The following PFDN1 variants were observed in gnomAD, a reference collection of about 807,000 sequenced individuals.
The protein encoded by PFDN1 is prefoldin subunit 1.
In PFDN1, 6 loss-of-function variants were observed where a neutral mutation model predicts 17.3. That is an observed-to-expected ratio of 0.35 (90% CI 0.19 to 0.69). PFDN1 has a LOEUF of 0.69. Ranked by LOEUF, PFDN1 falls within the 30% of genes least tolerant of loss-of-function variation. The probability of loss-of-function intolerance (pLI) is 0.65; values close to 1 mark genes in which losing one functional copy is unlikely to be tolerated. For synonymous variants in PFDN1, 58 were observed against 50.1 expected (o/e 1.16, Z -0.67); for missense variants, 113 against 146.2 (o/e 0.77, Z 1.17).
At chr5:140,301,335 A>G (rs1025749575) in intron 1 of PFDN1, among the ~76,000 whole-genome samples, 1 of 152,242 alleles carries the variant, frequency 6.6e-6, no homozygotes, top group Non-Finnish European at 1.5e-5. Context: ...CTTCATCCAC[A>G]GATACCAGGC....
intron 2 of PFDN1, among the ~76,000 whole-genome samples, chr5:140,298,039 A>G (rs1765679599): frequency 6.6e-6 from 1 of 152,214 alleles, no homozygotes; most frequent in Middle Eastern, 3.2e-3. Flanking sequence ...TTCATACTAC[A>G]CAGACACATA....
At chr5:140,293,518 A>G (rs1232435575) in intron 2 of PFDN1, among the ~76,000 whole-genome samples, 3 of 152,102 alleles carry the variant, frequency 2.0e-5, no homozygotes, top group African/African-American at 7.2e-5. Context: ...TAGACATCTA[A>G]TTAGCATAAC....
chr5:140,256,766 T>G (rs1356139725), intron 3 of PFDN1, among the ~76,000 whole-genome samples: 1 of 146,912 alleles, frequency 6.8e-6, no homozygotes, highest in Non-Finnish European at 1.5e-5. Flanking sequence ...ATCCAATCCA[T>G]CGGCAAATCT....
At chr5:140,271,535 G>A (rs1765205604) in intron 3 of PFDN1, among the ~76,000 whole-genome samples, 1 of 152,164 alleles carries the variant, frequency 6.6e-6, no homozygotes, top group Non-Finnish European at 1.5e-5. Flanking sequence ...AGCTACTATG[G>A]AAAGTAGGAA....
chr5:140,261,323 G>A (rs185605515), intron 3 of PFDN1, among the ~76,000 whole-genome samples: 1 of 152,228 alleles, frequency 6.6e-6, no homozygotes, highest in East Asian at 1.9e-4. Flanking sequence ...AAAATAAACT[G>A]CCATATTAAT....
At chr5:140,278,208 A>T (rs1765328362) in intron 3 of PFDN1, among the ~76,000 whole-genome samples, 1 of 152,078 alleles carries the variant, frequency 6.6e-6, no homozygotes, top group Non-Finnish European at 1.5e-5. Flanking sequence ...ATGCCATCTC[A>T]AAACAATAAA....
At chr5:140,286,011 T>C (rs777696524) in intron 2 of PFDN1, among the ~76,000 whole-genome samples, 85 of 151,818 alleles carry the variant, frequency 5.6e-4, no homozygotes, top group Non-Finnish European at 9.7e-4. Context: ...GAATGACTAA[T>C]TAAATAAAAA....
At chr5:140,261,669 T>C (rs1288318662) in intron 3 of PFDN1, among the ~76,000 whole-genome samples, 1 of 152,186 alleles carries the variant, frequency 6.6e-6, no homozygotes, top group East Asian at 1.9e-4. Flanking sequence ...AAGGGCTATT[T>C]ATAAAGCTTT....
intron 3 of PFDN1, among the ~76,000 whole-genome samples, chr5:140,248,594 C>T (rs1269300273): frequency 6.6e-6 from 1 of 152,228 alleles, no homozygotes; most frequent in East Asian, 1.9e-4. Context: ...GGCCCAGGGA[C>T]TCTGGTCTGT....
intron 3 of PFDN1, among the ~76,000 whole-genome samples, chr5:140,266,531 T>C (rs1230492093): frequency 6.6e-6 from 1 of 152,238 alleles, no homozygotes; most frequent in Non-Finnish European, 1.5e-5. Context: ...AATCCTTTTT[T>C]ACCTGTGGTA....
chr5:140,277,742 A>G (rs1765317894), intron 3 of PFDN1, among the ~76,000 whole-genome samples: 1 of 152,058 alleles, frequency 6.6e-6, no homozygotes, highest in Non-Finnish European at 1.5e-5. Flanking sequence ...TAAAAAAAAA[A>G]AGAAAAGGAA....
intron 3 of PFDN1, chr5:140,281,207 G>C (rs1765391877): frequency 2.8e-6 from 1 of 355,982 alleles, no homozygotes; most frequent in Non-Finnish European, 5.1e-6. Flanking sequence ...ATACATTCAG[G>C]TTAAAACCAT....
chr5:140,255,220 C>G (rs564191775), intron 3 of PFDN1, among the ~76,000 whole-genome samples: 17 of 151,946 alleles, frequency 1.1e-4, no homozygotes, highest in African/African-American at 3.4e-4. Context: ...TTCCCTCTAC[C>G]AAATCTACTA....
intron 3 of PFDN1, among the ~76,000 whole-genome samples, chr5:140,249,689 C>T (rs534284996): frequency 6.6e-6 from 1 of 152,162 alleles, no homozygotes; most frequent in Non-Finnish European, 1.5e-5. Context: ...TTTCTGGCTG[C>T]TTGCATTCGT....
At chr5:140,266,603 G>T (rs1180824311) in intron 3 of PFDN1, among the ~76,000 whole-genome samples, 2 of 152,198 alleles carry the variant, frequency 1.3e-5, no homozygotes, top group African/African-American at 4.8e-5. Flanking sequence ...AAAGGAAAGG[G>T]TTTTGGATGA....
intron 2 of PFDN1, among the ~76,000 whole-genome samples, chr5:140,283,029 G>A (rs1332575633): frequency 6.6e-6 from 1 of 152,132 alleles, no homozygotes; most frequent in South Asian, 2.1e-4. Flanking sequence ...GCCTAGGTGG[G>A]TTCTTATCAA....
intron 1 of PFDN1, among the ~76,000 whole-genome samples, chr5:140,301,356 C>T (rs569884386): frequency 6.6e-6 from 1 of 152,218 alleles, no homozygotes; most frequent in African/African-American, 2.4e-5. Flanking sequence ...CAAATTTGAC[C>T]CTTGCGTACA....
At chr5:140,302,208 G>A (rs1220214802) in intron 1 of PFDN1, among the ~76,000 whole-genome samples, 3 of 152,172 alleles carry the variant, frequency 2.0e-5, no homozygotes, top group Non-Finnish European at 4.4e-5. Flanking sequence ...GACTTTTCTG[G>A]CACTGGTTCC....
chr5:140,282,795 G>A (rs893623889), intron 2 of PFDN1, among the ~76,000 whole-genome samples: 1 of 152,282 alleles, frequency 6.6e-6, no homozygotes, highest in South Asian at 2.1e-4. Context: ...TGGAACCAAG[G>A]GAAGACCCCA....
Sources: allele counts gnomAD v4.1 joint callset (sites outside exome capture counted in the v4.1 genomes callset), GRCh38; gene constraint gnomAD v4.1.1; transcripts MANE v1.5; gene names NCBI Gene and HGNC (gene_info 2026-07-23, HGNC 2026-07-21).